MYBPH: variants seen among roughly 807,000 people sequenced by gnomAD.
MYBPH encodes myosin-binding protein H.
In MYBPH, 49 loss-of-function variants were observed where a neutral mutation model predicts 53.6. The observed-to-expected ratio is 0.91, with a 90% CI of 0.73 to 1.16. The LOEUF (loss-of-function observed/expected upper bound fraction) is 1.16. Ranked by LOEUF, MYBPH falls within the 50% of genes most tolerant of loss-of-function variation. MYBPH has a pLI of 0.00. For synonymous variants in MYBPH, 239 were observed against 249.6 expected, an observed-to-expected ratio of 0.96 and a Z score of 0.40; for missense variants, 558 against 624.1, an observed-to-expected ratio of 0.89 and a Z score of 1.13.
chr1:203,171,031 C>T lies in MYBPH; in HGVS notation c.933+30G>A. On this transcript the variant is annotated intron_variant, in intron 6 of 10. Coordinates refer to ENST00000255416, the MANE Select transcript of MYBPH (RefSeq NM_004997.3). This position sits in a 1 kb window ranked among gnomAD's most constrained non-coding sequence, Gnocchi z 4.2. ...CCCACCACCTTGACCACTTCGTACC[C>T]CGACCCCACTTTGCCTCAGCCAGCC... 11 of 1,555,896 alleles carry T rather than the reference C, an allele frequency of 7.1e-6. No individual in the cohort carries two copies. The highest frequency in any genetic ancestry group is 9.5e-6 in the Non-Finnish European group (11 of 1,152,756).
At chr1:203,176,273 C>T (rs1655808350), upstream of MYBPH, among the ~76,000 whole-genome samples, 2 of 152,190 alleles carry the variant, frequency 1.3e-5, no homozygotes, top group South Asian at 4.1e-4. Context: ...CTCTGGGGTC[C>T]ACATTCCCTG....
At chr1:203,174,825 G>A (rs901425910) in intron 2 of MYBPH, among the ~76,000 whole-genome samples, 1 of 152,112 alleles carries the variant, frequency 6.6e-6, no homozygotes, top group Non-Finnish European at 1.5e-5. Context: ...AGAGAGGGTT[G>A]GACACATTTG....
chr1:203,170,826 G>T (rs935794538), intron 6 of MYBPH, among the ~76,000 whole-genome samples: 1 of 152,200 alleles, frequency 6.6e-6, no homozygotes, highest in East Asian at 1.9e-4. Context: ...GAGAAGCATG[G>T]CTCCAGAACT....
At chr1:203,173,202 G>A (rs1655733971) in intron 3 of MYBPH, among the ~76,000 whole-genome samples, 1 of 152,196 alleles carries the variant, frequency 6.6e-6, no homozygotes, top group Non-Finnish European at 1.5e-5. Context: ...TGGGCCTCAG[G>A]GGCCTCTCAG....
intron 3 of MYBPH, 74 bp downstream of exon 3, chr1:203,174,356 T>G (rs1281581170): frequency 6.7e-7 from 1 of 1,495,986 alleles, no homozygotes; most frequent in African/African-American, 1.4e-5. Context: ...TCCCTCTACC[T>G]GCTGGCCTCA....
intron 7 of MYBPH, 87 bp from the exon 8 acceptor site, chr1:203,169,476 G>T: frequency 1.3e-6 from 2 of 1,515,676 alleles, no homozygotes. Flanking sequence ...AAGATCTATG[G>T]ATAGCAAGTC....
Position 203,171,724 on chromosome 1 carries a change from G to A in MYBPH, c.598-146C>T, listed in dbSNP as rs1485393237. On this transcript the variant is annotated intron_variant, in intron 4 of 10. Transcript: ENST00000255416. The surrounding 1 kb of genome is among the most constrained non-coding windows in gnomAD (Gnocchi z 4.2). ...GGGGCAGCAGAGGCTGGAGCCACAG[G>A]TGCTGCCCACAGCCACATCTTCCAG... is the stretch of plus-strand genomic sequence containing the variant. 5 of 948,422 alleles carry A rather than the reference G, an allele frequency of 5.3e-6. No homozygotes were observed. The East Asian group carries it at 8.1e-5, about 15-fold the overall frequency. 58.8% of individuals were successfully genotyped at this position (948,422 alleles called of 1,614,324 possible).
At chr1:203,169,693 A>G (rs1655659241) in intron 7 of MYBPH, among the ~76,000 whole-genome samples, 1 of 152,134 alleles carries the variant, frequency 6.6e-6, no homozygotes, top group Admixed American at 6.5e-5. Context: ...TCTTTTTTTA[A>G]ACAAAAGTTT....
intron 10 of MYBPH, among the ~76,000 whole-genome samples, chr1:203,168,425 T>C (rs573518989): frequency 6.6e-6 from 1 of 152,302 alleles, no homozygotes; most frequent in South Asian, 2.1e-4. Flanking sequence ...ATCACCCCCC[T>C]TCCAGGAGAC....
chr1:203,176,078 A>G (rs1421737686), upstream of MYBPH, among the ~76,000 whole-genome samples: 1 of 152,170 alleles, frequency 6.6e-6, no homozygotes, highest in Admixed American at 6.5e-5. Flanking sequence ...GAGATGGGAC[A>G]TCGAGCAGGC....
In MYBPH at chr1:203,170,943, G is replaced by A; in HGVS notation, c.933+118C>T. The A allele has an allele frequency of 3.6e-6, 5 of 1,375,900 alleles. No homozygotes were observed. In the Admixed American group the frequency reaches 1.2e-4, roughly 34 times the overall value. The allele number at this position is 1,375,900 out of a possible 1,614,324, so 85.2% of individuals were successfully genotyped here. A position where few individuals can be genotyped will look rare whatever the true frequency, so the allele number is the denominator to read the frequency against. ...AAGGGCCTCCTAGGGAGTCAGGTTAGCAGTGGGCAGACCAGAACTCGATCC... is the reference window on the plus strand; with the variant it reads ...AAGGGCCTCCTAGGGAGTCAGGTTAACAGTGGGCAGACCAGAACTCGATCC... On this transcript the variant is annotated intron_variant, in intron 6 of 10. Transcript: ENST00000255416.
rs1655673569 is a variant in MYBPH, at chr1:203,170,453, G to T, written c.934-3C>A. On this transcript the variant is annotated splice_polypyrimidine_tract_variant and splice_region_variant and intron_variant, in intron 6 of 10. Transcript: ENST00000255416. ...CGCTCCAGCACTGTGAACCATTGCT[G>T]CAGGGCCCCGGGTGTCACCCTCATT... 1.2e-6 allele frequency: 2 copies of T among 1,613,660 alleles called. 1 individual carries two copies. The highest frequency in any genetic ancestry group is 1.7e-6 in the Non-Finnish European group (2 of 1,179,706).
rs201178877 is a variant in MYBPH, at chr1:203,169,339, G to A, written c.1144C>T (p.Pro382Ser). ...GFIERDFSEA[P>S]SFTQPLADHT... is the part of the protein sequence containing the mutation. ...TCAGCCAGGGGCTGGGTGAATGAGG[G>A]GGCTTCTGAGAAGTCTCGCTCAATA... Residue 382 changes from proline (P) to serine (S), a missense_variant, in exon 8 of 11, where the codon CCC becomes TCC. Coordinates refer to ENST00000255416, the MANE Select transcript of MYBPH (RefSeq NM_004997.3). 4.7e-5 allele frequency: 75 copies of A among 1,609,744 alleles called. No homozygotes were observed. The East Asian group carries it at 9.6e-4, about 21-fold the overall frequency.
chr1:203,168,764 CCTGCCGCTTGGAAAGTAAT>C, intron 9 of MYBPH, 89 bp from the exon 10 acceptor site: 2 of 1,598,388 alleles, frequency 1.3e-6, no homozygotes, highest in Non-Finnish European at 1.7e-6. Flanking sequence ...ACCTGTCCAC[CCTGCCGCTTGGAAAGTAAT>C]CAGCACAGCC....
Position 203,172,053 on chromosome 1 carries a change from A to C in MYBPH, c.509-13T>G. 1 of 1,308,034 alleles carries C rather than the reference A, an allele frequency of 7.6e-7. No homozygotes were observed. Among genetic ancestry groups the C allele is most frequent in the Non-Finnish European group, 9.8e-7 (1 of 1,019,760 alleles). 81.0% of individuals were successfully genotyped at this position (1,308,034 alleles called of 1,614,324 possible). A position where few individuals can be genotyped will look rare whatever the true frequency, so the allele number is the denominator to read the frequency against. On this transcript the variant is annotated splice_polypyrimidine_tract_variant and intron_variant, in intron 3 of 10. Coordinates refer to ENST00000255416, the MANE Select transcript of MYBPH (RefSeq NM_004997.3). ...ATCTTGGGGGCCTCTGGATCAAAGC[A>C]AGAGTCTGGGCTTAGCAGTGCAGTG...
chr1:203,170,321 T>C lies in MYBPH; in HGVS notation c.1063A>G (p.Thr355Ala). The C allele has an allele frequency of 1.9e-6, 3 of 1,614,124 alleles. No homozygotes were observed. The highest frequency in any genetic ancestry group is 2.2e-5 in the South Asian group (2 of 91,080). ...TTCTGGATGTGGGCGAGCTCCTTGG[T>C]GACGGTGGCCGAGGTGCTGAGTCCA... The part of the protein sequence containing the change: ...LCGLSTSATV[T>A]KELAHIQKAD... Residue 355 changes from threonine to alanine, a missense_variant, in exon 7 of 11, where the codon ACC becomes GCC. By Grantham distance (58) the Thr-to-Ala change is moderately conservative (BLOSUM62 0). Transcript: ENST00000255416.
intron 6 of MYBPH, 97 bp from the exon 7 acceptor site, chr1:203,170,547 C>G (rs1024972126): frequency 1.4e-6 from 2 of 1,478,622 alleles, no homozygotes; most frequent in African/African-American, 2.8e-5. Flanking sequence ...ATTCCATGCC[C>G]CCAACCTTAG....
chr1:203,168,555 C>T, intron 10 of MYBPH, 72 bp downstream of exon 10: 2 of 1,467,954 alleles, frequency 1.4e-6, no homozygotes, highest in Non-Finnish European at 1.9e-6. Flanking sequence ...ACCCCAACCC[C>T]CTGCTCCTGG....
chr1:203,168,781 A>C, intron 9 of MYBPH, 106 bp from the exon 10 acceptor site: 1 of 1,591,218 alleles, frequency 6.3e-7, no homozygotes, highest in Non-Finnish European at 8.6e-7. Flanking sequence ...CTTGGAAAGT[A>C]ATCAGCACAG....
Sources: allele counts gnomAD v4.1 joint callset (sites outside exome capture counted in the v4.1 genomes callset), GRCh38; gene constraint gnomAD v4.1.1; non-coding constraint Gnocchi (gnomAD v3.1); transcripts MANE v1.5; gene names NCBI Gene and HGNC (gene_info 2026-07-23, HGNC 2026-07-21).